The following MPRIP variants were observed in gnomAD, a reference collection of about 807,000 sequenced individuals.
MPRIP encodes myosin phosphatase Rho interacting protein.
A neutral mutation model predicts 234.9 loss-of-function variants in MPRIP; 59 were observed. The ratio of observed to expected loss-of-function variants is 0.25; its 90% CI spans 0.20 to 0.31. The LOEUF (loss-of-function observed/expected upper bound fraction) is 0.31, where lower values mean the gene tolerates loss of function less well. Ranked by LOEUF, MPRIP falls within the 10% of genes least tolerant of loss-of-function variation. The pLI is 1.00. For synonymous variants in MPRIP, 1,144 were observed against 1,263.9 expected (o/e 0.91, Z 2.01); for missense variants, 2,436 against 3,071.0 (o/e 0.79, Z 4.89).
chr17:17,151,431 C>T (rs568753942), intron 12 of MPRIP, among the ~76,000 whole-genome samples: 19 of 152,270 alleles, frequency 1.2e-4, no homozygotes, highest in East Asian at 3.9e-4. Context: ...TGGGGCAGTG[C>T]GCAGAGCATT....
At chr17:17,103,332 G>T (rs1163553214) in intron 3 of MPRIP, among the ~76,000 whole-genome samples, 1 of 152,252 alleles carries the variant, frequency 6.6e-6, no homozygotes, top group African/African-American at 2.4e-5. Flanking sequence ...GTCCCCATCA[G>T]CACTGCTGGG....
At chr17:17,157,334 C>T (rs1370195559) in intron 13 of MPRIP, among the ~76,000 whole-genome samples, 4 of 152,230 alleles carry the variant, frequency 2.6e-5, no homozygotes, top group Admixed American at 1.3e-4. Flanking sequence ...CTGCGCAGCT[C>T]ATGTCCCGTT....
intron 15 of MPRIP, among the ~76,000 whole-genome samples, chr17:17,162,515 C>T (rs2045895880): frequency 6.6e-6 from 1 of 152,216 alleles, no homozygotes; most frequent in South Asian, 2.1e-4. Flanking sequence ...CTAGACTCTC[C>T]TCTCCAGCCT....
In MPRIP at chr17:17,167,183, G is replaced by T; in HGVS notation, c.5592G>T (p.Gln1864His). 1 of 1,304,124 alleles carries T rather than the reference G, an allele frequency of 7.7e-7. No individual in the cohort carries two copies. The allele number at this position is 1,304,124 out of a possible 1,614,324, so 80.8% of individuals were successfully genotyped here. The change falls in exon 16 of 24, where the codon CAG becomes CAT. Residue 1864 changes from glutamine (Q) to histidine (H), a missense_variant. Around this residue, in one of 4 missense-constraint regions of MPRIP, gnomAD observed 1,998 missense variants for 2,520.3 expected, o/e 0.79. Transcript: ENST00000651222. This position sits in a 1 kb window ranked among gnomAD's most constrained non-coding sequence, Gnocchi z 5.9. ...RIRLEYEKEL[Q>H]LCKESWQTRE... ...GGCTAGAATATGAGAAGGAGCTCCA[G>T]CTCTGCAAGGAGTCCTGGCAAACCC... is the stretch of plus-strand genomic sequence containing the variant.
intron 12 of MPRIP, among the ~76,000 whole-genome samples, chr17:17,151,869 C>T (rs993231168): frequency 6.6e-6 from 1 of 152,252 alleles, no homozygotes; most frequent in African/African-American, 2.4e-5. Context: ...GGGCTGGGCC[C>T]TGGCCCTGGG....
intron 14 of MPRIP, among the ~76,000 whole-genome samples, chr17:17,159,272 C>G (rs2045809841): frequency 1.3e-5 from 2 of 152,238 alleles, no homozygotes. Context: ...CATTGAGAGG[C>G]AAGCGGCGTT....
intron 3 of MPRIP, among the ~76,000 whole-genome samples, chr17:17,125,733 T>C (rs960995769): frequency 6.6e-6 from 1 of 152,148 alleles, no homozygotes; most frequent in Non-Finnish European, 1.5e-5. Context: ...GGCCTCTGGG[T>C]GGAAGGCAGC....
At chr17:17,064,265 A>G (rs12602124) in intron 1 of MPRIP, among the ~76,000 whole-genome samples, 19,130 of 150,494 alleles carry the variant, frequency 0.13, 1,932 homozygotes, top group African/African-American at 0.27. Context: ...GCAGTGGCGC[A>G]ATCTCGGCTC....
chr17:17,143,732 C>G, intron 9 of MPRIP, 63 bp downstream of exon 9: 2 of 1,067,628 alleles, frequency 1.9e-6, no homozygotes, highest in Non-Finnish European at 2.7e-6. Context: ...CTCTGAGGCG[C>G]TGTCTGTTTC....
chr17:17,154,737 C>T (rs965673875), intron 13 of MPRIP, among the ~76,000 whole-genome samples: 11 of 152,272 alleles, frequency 7.2e-5, no homozygotes, highest in Admixed American at 1.3e-4. Flanking sequence ...GCCCCGCAGT[C>T]GGTGCTCTCA....
intron 1 of MPRIP, among the ~76,000 whole-genome samples, chr17:17,052,483 C>A (rs935387109): frequency 6.6e-6 from 1 of 152,112 alleles, no homozygotes; most frequent in African/African-American, 2.4e-5. Context: ...ATGGAGCCGC[C>A]GAGACCTGGA....
intron 3 of MPRIP, among the ~76,000 whole-genome samples, chr17:17,107,910 A>G (rs1305302929): frequency 2.0e-5 from 3 of 152,162 alleles, no homozygotes; most frequent in African/African-American, 7.2e-5. Flanking sequence ...GTGAGAACCT[A>G]TGGTATGCCC....
At chr17:17,077,921 A>G (rs751466117) in intron 2 of MPRIP, 90 bp from the exon 3 acceptor site, 29 of 1,280,992 alleles carry the variant, frequency 2.3e-5, no homozygotes, top group Non-Finnish European at 3.1e-5. Flanking sequence ...TTCCTTAGAT[A>G]TGGACTTGTC....
chr17:17,066,771 A>T (rs1179261103), intron 1 of MPRIP, among the ~76,000 whole-genome samples: 2 of 45,706 alleles, frequency 4.4e-5, no homozygotes, highest in African/African-American at 1.4e-4. Flanking sequence ...TTTTTTTTTG[A>T]GACAGTGTCT....
intron 3 of MPRIP, among the ~76,000 whole-genome samples, chr17:17,103,979 A>G (rs920716980): frequency 2.0e-5 from 3 of 152,198 alleles, no homozygotes; most frequent in Non-Finnish European, 4.4e-5. Context: ...CCCAAAGGAA[A>G]GGAACTCTGT....
At chr17:17,146,349 C>A (rs895105578) in intron 10 of MPRIP, among the ~76,000 whole-genome samples, 1 of 152,204 alleles carries the variant, frequency 6.6e-6, no homozygotes, top group South Asian at 2.1e-4. Context: ...GGGTGTTGGC[C>A]CGGCCTTAGG....
intron 1 of MPRIP, among the ~76,000 whole-genome samples, chr17:17,063,467 CATG>C (rs2088926950): frequency 6.6e-6 from 1 of 152,016 alleles, no homozygotes; most frequent in Non-Finnish European, 1.5e-5. Context: ...CTCCTTATTC[CATG>C]GAATAGAAGA....
At position 17,167,243 on chromosome 17, in the gene MPRIP, C is replaced by T. The variant is rs2046020822; in HGVS notation, c.5652C>T (p.Ala1884=). ...EPSCSEQAQA[A]RALREEYEEL... ...CCTGCTCAGAGCAGGCACAGGCAGCCCGGGCCCTGAGGGAGGAGTATGAGG... is the reference window on the plus strand; with the variant it reads ...CCTGCTCAGAGCAGGCACAGGCAGCTCGGGCCCTGAGGGAGGAGTATGAGG... Residue 1884 remains alanine (A), a synonymous_variant, in exon 16 of 24, where the codon GCC becomes GCT. Coordinates refer to ENST00000651222, the MANE Select transcript of MPRIP (RefSeq NM_001364716.4). The surrounding 1 kb of genome is among the most constrained non-coding windows in gnomAD (Gnocchi z 5.9). 3.1e-6 allele frequency: 4 copies of T among 1,303,974 alleles called. No individual in the cohort carries two copies. The South Asian group carries it at 4.9e-5, about 16-fold the overall frequency. The allele number at this position is 1,303,974 out of a possible 1,614,324, so 80.8% of individuals were successfully genotyped here. A position where few individuals can be genotyped will look rare whatever the true frequency, so the allele number is the denominator to read the frequency against.
At chr17:17,124,813 A>G (rs543880667) in intron 3 of MPRIP, among the ~76,000 whole-genome samples, 2 of 152,262 alleles carry the variant, frequency 1.3e-5, no homozygotes, top group South Asian at 4.1e-4. Context: ...GGGTTCAGAC[A>G]GGCACCTGCA....
Sources: gnomAD v4.1 joint callset for allele counts (sites outside exome capture counted in the v4.1 genomes callset) on GRCh38, gnomAD v4.1.1 for gene constraint, gnomAD v4.1.1 regional missense constraint, Gnocchi (gnomAD v3.1) non-coding constraint, MANE v1.5 for transcripts, NCBI Gene and HGNC (gene_info 2026-07-23, HGNC 2026-07-21) for gene names.